Variants in AOAH observed in about 807,000 individuals in gnomAD.
AOAH encodes the protein acyloxyacyl hydrolase.
In AOAH, 64 loss-of-function variants were observed where a neutral mutation model predicts 92.2. That is an observed-to-expected ratio of 0.69 (90% CI 0.57 to 0.86). AOAH has a LOEUF of 0.86. Ranked by LOEUF, AOAH falls within the 40% of genes least tolerant of loss-of-function variation. The pLI is 0.00. For synonymous variants in AOAH, 263 were observed against 254.5 expected, an observed-to-expected ratio of 1.03 and a Z score of -0.32; for missense variants, 656 against 694.6, an observed-to-expected ratio of 0.94 and a Z score of 0.62.
chr7:36,721,963 C>A (rs1414287608), intron 1 of AOAH, among the ~76,000 whole-genome samples: 2 of 152,138 alleles, frequency 1.3e-5, no homozygotes, highest in Non-Finnish European at 2.9e-5. Context: ...GGTAAGAAAG[C>A]CTACTACCCA....
chr7:36,614,348 A>G lies in AOAH; in HGVS notation c.846+2032T>C, dbSNP rs1028532101. On this transcript the variant is annotated intron_variant, in intron 11 of 20. Transcript: ENST00000617537. The surrounding 1 kb of genome is among the most constrained non-coding windows in gnomAD (Gnocchi z 4.2). Reference sequence around the variant, plus strand: ...GGCAGGGCTTTATGTGTGTGCAACCAGTGGGTCCCATGAGGTCCTTCGCTT... The same window carrying G: ...GGCAGGGCTTTATGTGTGTGCAACCGGTGGGTCCCATGAGGTCCTTCGCTT... Among the ~76,000 whole-genome samples, 2 of 152,160 alleles carry G rather than the reference A, an allele frequency of 1.3e-5. No individual in the cohort carries two copies. The highest frequency in any genetic ancestry group is 6.5e-5 in the Admixed American group (1 of 15,274).
At chr7:36,646,683 G>C (rs1279248836) in intron 4 of AOAH, among the ~76,000 whole-genome samples, 5 of 152,192 alleles carry the variant, frequency 3.3e-5, no homozygotes, top group Admixed American at 2.0e-4. Context: ...TGCAGGGTTG[G>C]TTCCTTTTGT....
chr7:36,535,006 ATCTGTG>A (rs1784933765), intron 16 of AOAH, among the ~76,000 whole-genome samples: 1 of 69,416 alleles, frequency 1.4e-5, no homozygotes, highest in African/African-American at 5.9e-5. Flanking sequence ...GCTTGTGTGT[ATCTGTG>A]TGTGTCTGTG....
At chr7:36,559,470 G>A (rs1247690360) in intron 13 of AOAH, among the ~76,000 whole-genome samples, 8 of 152,056 alleles carry the variant, frequency 5.3e-5, no homozygotes, top group Admixed American at 2.6e-4. Flanking sequence ...TTTCATTGTG[G>A]TTTTGATTTG....
Position 36,614,608 on chromosome 7 carries a change from C to T in AOAH, c.846+1772G>A, listed in dbSNP as rs1791725279. Among the ~76,000 whole-genome samples, 1 of 152,184 alleles carries T rather than the reference C, an allele frequency of 6.6e-6. No homozygotes were observed. Among genetic ancestry groups the T allele is most frequent in the South Asian group, 2.1e-4 (1 of 4,832 alleles). On this transcript the variant is annotated intron_variant, in intron 11 of 20. Coordinates refer to ENST00000617537, the MANE Select transcript of AOAH (RefSeq NM_001637.4). The surrounding 1 kb of genome is among the most constrained non-coding windows in gnomAD (Gnocchi z 4.2). ...TCTTCTCCTTCTTGCCCTGCGACTG[C>T]TGCACCCTCCAACAAAGTGGCAATT... is the stretch of plus-strand genomic sequence containing the variant.
At chr7:36,517,156 G>GTCTTTCTTTCTT (rs1554360832) in intron 20 of AOAH, among the ~76,000 whole-genome samples, 9,852 of 94,952 alleles carry the variant, frequency 0.1, 714 homozygotes, top group Non-Finnish European at 0.11. Context: ...ATCCATGTTA[G>GTCTTTCTTTCTT]TCTTTCTTTC....
chr7:36,560,440 G>C (rs1461260754), intron 13 of AOAH, among the ~76,000 whole-genome samples: 2 of 152,062 alleles, frequency 1.3e-5, no homozygotes, highest in Non-Finnish European at 2.9e-5. Flanking sequence ...TCCTTGTAGA[G>C]GTCTTTGACC....
chr7:36,536,645 GT>G (rs1785075691), intron 16 of AOAH, among the ~76,000 whole-genome samples: 1 of 152,108 alleles, frequency 6.6e-6, no homozygotes, highest in South Asian at 2.1e-4. Context: ...TCCCAGGGTT[GT>G]TTTAAGAATC....
In AOAH at chr7:36,724,165, C is replaced by T. The variant is rs970043201; in HGVS notation, c.-17G>A. ...GGACTGCATCTCCGAGCTATGCACC[C>T]CAAGTGATCACCCGGCTTTGGAAGC... On this transcript the variant is annotated 5_prime_UTR_variant, in exon 1 of 21. Coordinates refer to ENST00000617537, the MANE Select transcript of AOAH (RefSeq NM_001637.4). 21 of 1,611,354 alleles carry T rather than the reference C, an allele frequency of 1.3e-5. No individual in the cohort carries two copies. The highest frequency in any genetic ancestry group is 1.7e-5 in the Non-Finnish European group (20 of 1,178,438).
intron 1 of AOAH, among the ~76,000 whole-genome samples, chr7:36,710,860 T>C (rs1798724103): frequency 1.3e-5 from 2 of 151,368 alleles, no homozygotes; most frequent in African/African-American, 4.9e-5. Flanking sequence ...AAAGAATAGA[T>C]AATCACAACC....
At chr7:36,517,821 G>A (rs150725669) in intron 20 of AOAH, among the ~76,000 whole-genome samples, 101 of 151,594 alleles carry the variant, frequency 6.7e-4, no homozygotes, top group African/African-American at 2.2e-3. Flanking sequence ...GGCTGGTCTC[G>A]AACTCCTAGC....
chr7:36,707,960 A>T (rs1188290334), intron 1 of AOAH, among the ~76,000 whole-genome samples: 2 of 151,728 alleles, frequency 1.3e-5, no homozygotes, highest in Non-Finnish European at 2.9e-5. Context: ...CGCTGGGCTA[A>T]TTTTTTATTT....
chr7:36,557,727 C>A (rs1308762295), intron 13 of AOAH, among the ~76,000 whole-genome samples: 2 of 152,136 alleles, frequency 1.3e-5, no homozygotes, highest in Non-Finnish European at 2.9e-5. Context: ...TGCTTCATTT[C>A]ATTCATTTCA....
chr7:36,674,794 AG>A (rs1027194949), intron 2 of AOAH, among the ~76,000 whole-genome samples: 4 of 152,340 alleles, frequency 2.6e-5, no homozygotes, highest in Admixed American at 2.0e-4. Context: ...TGTCTCACAT[AG>A]GGGGGCCCGG....
intron 11 of AOAH, among the ~76,000 whole-genome samples, chr7:36,605,015 G>A (rs993486832): frequency 6.6e-6 from 1 of 152,132 alleles, no homozygotes; most frequent in South Asian, 2.1e-4. Flanking sequence ...CTTCATGCAT[G>A]CTCTTCCTTA....
chr7:36,709,240 G>C (rs1303031166), intron 1 of AOAH, among the ~76,000 whole-genome samples: 3 of 152,096 alleles, frequency 2.0e-5, no homozygotes, highest in Non-Finnish European at 4.4e-5. Flanking sequence ...TTGGCCAGGA[G>C]AGCCATGGAT....
chr7:36,616,505 T>C lies in AOAH; in HGVS notation c.752-31A>G, dbSNP rs756224898. 1.3e-5 allele frequency: 21 copies of C among 1,587,978 alleles called. No homozygotes were observed. In the Admixed American group the frequency reaches 3.0e-4, roughly 23 times the overall value. On this transcript the variant is annotated intron_variant, in intron 10 of 20. Coordinates refer to ENST00000617537, the MANE Select transcript of AOAH (RefSeq NM_001637.4). ...CAGCACAATTTATTCACATTATTTA[T>C]GCACTCAAGTAGTTTGGAACCTCCA...
At chr7:36,518,958 C>T (rs1314233807) in intron 20 of AOAH, among the ~76,000 whole-genome samples, 2 of 152,190 alleles carry the variant, frequency 1.3e-5, no homozygotes, top group Admixed American at 6.5e-5. Context: ...AATAAAATCT[C>T]TGATAAGAAC....
At chr7:36,541,489 A>G (rs954195133) in intron 15 of AOAH, among the ~76,000 whole-genome samples, 1 of 149,264 alleles carries the variant, frequency 6.7e-6, no homozygotes, top group African/African-American at 2.5e-5. Context: ...ACTTATATTC[A>G]TTTGGTTTGG....
Sources: gnomAD v4.1 joint callset for allele counts (sites outside exome capture counted in the v4.1 genomes callset) on GRCh38, gnomAD v4.1.1 for gene constraint, Gnocchi (gnomAD v3.1) non-coding constraint, MANE v1.5 for transcripts, NCBI Gene and HGNC (gene_info 2026-07-23, HGNC 2026-07-21) for gene names.